The following SRPK2 variants were observed in gnomAD, a reference collection of about 807,000 sequenced individuals.
SRPK2 encodes SFRS protein kinase 2.
In SRPK2, 21 loss-of-function variants were observed where a neutral mutation model predicts 90.8. That is an observed-to-expected ratio of 0.23 (90% CI 0.16 to 0.33). The LOEUF (loss-of-function observed/expected upper bound fraction) is 0.33, where lower values mean the gene tolerates loss of function less well. SRPK2 is among the 10% of genes least tolerant of loss of function. The pLI, the probability that SRPK2 is intolerant of heterozygous loss-of-function variation, is 1.00. For synonymous variants in SRPK2, 288 were observed against 311.1 expected, an observed-to-expected ratio of 0.93 and a Z score of 0.78; for missense variants, 620 against 869.0, an observed-to-expected ratio of 0.71 and a Z score of 3.60.
intron 11 of SRPK2, among the ~76,000 whole-genome samples, chr7:105,135,811 C>CTGGA (rs1802720054): frequency 6.7e-6 from 1 of 150,186 alleles, no homozygotes; most frequent in South Asian, 2.1e-4. Context: ...GTCGCCTAGG[C>CTGGA]TGGAGTGCAG....
intron 2 of SRPK2, 22 bp from the exon 3 acceptor site, chr7:105,203,807 T>G: frequency 6.4e-7 from 1 of 1,555,204 alleles, no homozygotes; most frequent in Non-Finnish European, 8.7e-7. Flanking sequence ...GAGAGAAAAT[T>G]GCTATTTACT....
At chr7:105,234,785 T>C (rs1236475644) in intron 2 of SRPK2, among the ~76,000 whole-genome samples, 1 of 151,760 alleles carries the variant, frequency 6.6e-6, no homozygotes, top group African/African-American at 2.4e-5. Context: ...ATTCACCACA[T>C]GCTATATGAA....
chr7:105,326,346 C>G (rs1214804390), intron 2 of SRPK2, among the ~76,000 whole-genome samples: 1 of 152,134 alleles, frequency 6.6e-6, no homozygotes, highest in Admixed American at 6.5e-5. Context: ...AAGAAAGCTG[C>G]GGAAAGGCAT....
intron 3 of SRPK2, among the ~76,000 whole-genome samples, chr7:105,174,444 T>C (rs933180441): frequency 6.6e-6 from 1 of 152,132 alleles, no homozygotes; most frequent in Non-Finnish European, 1.5e-5. Context: ...TATTAAGTAT[T>C]ACCTGAGTTC....
Position 105,152,851 on chromosome 7 carries a change from T to C in SRPK2, c.622-6193A>G, listed in dbSNP as rs760172052. Among the ~76,000 whole-genome samples the C allele has an allele frequency of 2.6e-4, 40 of 152,152 alleles. No individual in the cohort carries two copies. The Middle Eastern group carries it at 0.01, about 39-fold the overall frequency. On this transcript the variant is annotated intron_variant, in intron 7 of 15. Transcript: ENST00000393651. ...GAGATCCAGACCATCCTGGCCAACA[T>C]GGTGAAACCCCATCTCTACTAAAAA... is the stretch of plus-strand genomic sequence containing the variant.
At chr7:105,121,693 G>A (rs1468900309) in intron 15 of SRPK2, among the ~76,000 whole-genome samples, 2 of 152,214 alleles carry the variant, frequency 1.3e-5, no homozygotes, top group East Asian at 3.9e-4. Flanking sequence ...CAGGCTCTGA[G>A]GAAGGGTTCC....
At chr7:105,216,411 A>G (rs1797472786) in intron 2 of SRPK2, among the ~76,000 whole-genome samples, 1 of 152,140 alleles carries the variant, frequency 6.6e-6, no homozygotes, top group South Asian at 2.1e-4. Context: ...AATTTTTTCA[A>G]GATTCTTATC....
chr7:105,170,024 C>A (rs1031251336), intron 3 of SRPK2, among the ~76,000 whole-genome samples: 1 of 152,098 alleles, frequency 6.6e-6, no homozygotes, highest in African/African-American at 2.4e-5. Flanking sequence ...CCACATTACC[C>A]AGGTTGGTCT....
At chr7:105,389,137 C>T (rs1367259902), upstream of SRPK2, 17 of 1,002,718 alleles carry the variant, frequency 1.7e-5, no homozygotes, top group African/African-American at 1.4e-4. Flanking sequence ...GCCCGCGGCC[C>T]GGGCCTCCGC....
At chr7:105,326,502 C>G (rs555741273) in intron 2 of SRPK2, among the ~76,000 whole-genome samples, 1 of 152,280 alleles carries the variant, frequency 6.6e-6, no homozygotes, top group African/African-American at 2.4e-5. Context: ...CCCAATATTA[C>G]ACAGCGAATA....
At position 105,152,023 on chromosome 7, in the gene SRPK2, CAA is replaced by C. The variant is rs34579509; in HGVS notation, c.622-5367_622-5366del. Among the ~76,000 whole-genome samples, 1,023 of 108,268 alleles carry C rather than the reference CAA, an allele frequency of 9.4e-3. 4 individuals carry two copies. Among genetic ancestry groups the C allele is most frequent in the African/African-American group, 0.012 (345 of 27,720 alleles). The allele number at this position is 108,268 out of a possible 152,430, so 71.0% of individuals were successfully genotyped here. A position where few individuals can be genotyped will look rare whatever the true frequency, so the allele number is the denominator to read the frequency against. The stretch of plus-strand genomic sequence containing the variant: ...TGGGCAACAGAGTGAGGTTCTGTCT[CAA>C]AAAAAAAAAAAAAAAAATTATCTGG... On this transcript the variant is annotated intron_variant, in intron 7 of 15. Transcript: ENST00000393651.
intron 2 of SRPK2, among the ~76,000 whole-genome samples, chr7:105,330,444 T>C (rs1468728920): frequency 6.6e-6 from 1 of 152,086 alleles, no homozygotes; most frequent in Non-Finnish European, 1.5e-5. Flanking sequence ...ATTCATTCCA[T>C]AGCTAGAAAT....
At chr7:105,308,517 G>A (rs1016020237) in intron 2 of SRPK2, among the ~76,000 whole-genome samples, 1 of 152,082 alleles carries the variant, frequency 6.6e-6, no homozygotes, top group African/African-American at 2.4e-5. Flanking sequence ...ATAATTGTAT[G>A]GACTTTAATA....
intron 2 of SRPK2, among the ~76,000 whole-genome samples, chr7:105,247,164 C>T (rs1801779697): frequency 6.6e-6 from 1 of 152,172 alleles, no homozygotes; most frequent in Admixed American, 6.5e-5. Flanking sequence ...AACTTTCTTA[C>T]ATTTATCATC....
At chr7:105,384,406 T>C (rs1342427609) in intron 2 of SRPK2, among the ~76,000 whole-genome samples, 1 of 152,134 alleles carries the variant, frequency 6.6e-6, no homozygotes, top group Non-Finnish European at 1.5e-5. Context: ...CAGTGTACCA[T>C]AAAAGTAGCC....
chr7:105,397,733 T>C, intron 1 of SRPK2, among the ~76,000 whole-genome samples: 1 of 152,006 alleles, frequency 6.6e-6, no homozygotes, highest in East Asian at 1.9e-4. Context: ...AACCTCCGCC[T>C]CATGGGTTCA....
chr7:105,342,556 A>T (rs1232452559), intron 2 of SRPK2, among the ~76,000 whole-genome samples: 1 of 152,042 alleles, frequency 6.6e-6, no homozygotes, highest in Non-Finnish European at 1.5e-5. Context: ...CAAGAAAAGG[A>T]TCTTTCCTAA....
intron 3 of SRPK2, among the ~76,000 whole-genome samples, chr7:105,192,949 G>A (rs978962235): frequency 5.3e-5 from 8 of 151,900 alleles, no homozygotes; most frequent in South Asian, 2.1e-4. Flanking sequence ...GTCCTTTGTC[G>A]GATGTATAGA....
chr7:105,226,260 A>T (rs1798696388), intron 2 of SRPK2, among the ~76,000 whole-genome samples: 2 of 151,942 alleles, frequency 1.3e-5, no homozygotes, highest in South Asian at 4.1e-4. Flanking sequence ...TTTTTTTTTA[A>T]AAAACGCACT....
Sources: gnomAD v4.1 joint callset for allele counts (sites outside exome capture counted in the v4.1 genomes callset) on GRCh38, gnomAD v4.1.1 for gene constraint, MANE v1.5 for transcripts, NCBI Gene and HGNC (gene_info 2026-07-23, HGNC 2026-07-21) for gene names.